ANXA4: variants seen among roughly 807,000 people sequenced by gnomAD.
ANXA4 encodes the protein annexin A4, also known as 35-beta calcimedin.
A neutral mutation model predicts 49.8 loss-of-function variants in ANXA4; 39 were observed. That is an observed-to-expected ratio of 0.78 (90% CI 0.61 to 1.02). The LOEUF is 1.02. Among genes scored for constraint, ANXA4 ranks in the 50% least tolerant of loss-of-function variants. The pLI is 0.00. For missense variants in ANXA4, 360 were observed against 410.1 expected (o/e 0.88, Z 1.05); for synonymous variants, 134 against 152.5 (o/e 0.88, Z 0.89).
intron 1 of ANXA4, among the ~76,000 whole-genome samples, chr2:69,759,527 T>C (rs1202140235): frequency 1.3e-5 from 2 of 152,236 alleles, no homozygotes; most frequent in African/African-American, 4.8e-5. Context: ...GAAAGATTCA[T>C]TATTTTCAAC....
chr2:69,666,098 G>A (rs927980893), intron 2 of ANXA4, among the ~76,000 whole-genome samples: 3 of 152,150 alleles, frequency 2.0e-5, no homozygotes, highest in African/African-American at 7.2e-5. Context: ...CAGCTACTTG[G>A]GAGGCTGAGG....
chr2:69,801,410 T>G (rs2103791691), intron 3 of ANXA4, among the ~76,000 whole-genome samples: 1 of 151,826 alleles, frequency 6.6e-6, no homozygotes, highest in East Asian at 1.9e-4. Context: ...TTTGTTTTTT[T>G]TTTCTTTTTT....
chr2:69,790,078 CTTG>C (rs1672616606), intron 3 of ANXA4, among the ~76,000 whole-genome samples: 1 of 152,138 alleles, frequency 6.6e-6, no homozygotes, highest in Admixed American at 6.5e-5. Context: ...TTTCAGGCTG[CTTG>C]TTGTTAGAAG....
Position 69,779,088 on chromosome 2 carries a change from A to G in ANXA4, c.-46-2432A>G, listed in dbSNP as rs1480534354. Reference sequence around the variant, plus strand: ...GCACCGCTGCACTCTAGCCTGGGCAACAGAGCAACACTCTGCCTCAAAAAA... The same window carrying G: ...GCACCGCTGCACTCTAGCCTGGGCAGCAGAGCAACACTCTGCCTCAAAAAA... On this transcript the variant is annotated intron_variant, in intron 1 of 12. Coordinates refer to ENST00000394295, the MANE Select transcript of ANXA4 (RefSeq NM_001153.5). 2.1e-5 allele frequency among the ~76,000 whole-genome samples: 3 copies of G among 140,672 alleles called. No homozygotes were observed. The East Asian group carries it at 6.4e-4, about 30-fold the overall frequency. The allele number at this position is 140,672 out of a possible 152,430, so 92.3% of individuals were successfully genotyped here. A position where few individuals can be genotyped will look rare whatever the true frequency, so the allele number is the denominator to read the frequency against.
intron 1 of ANXA4, among the ~76,000 whole-genome samples, chr2:69,769,328 T>C (rs963802392): frequency 3.9e-5 from 6 of 152,150 alleles, no homozygotes; most frequent in African/African-American, 1.4e-4. Flanking sequence ...CCCTACCTCT[T>C]AAGACAAGAT....
intron 2 of ANXA4, among the ~76,000 whole-genome samples, chr2:69,677,277 C>T (rs1427951655): frequency 3.9e-5 from 6 of 152,138 alleles, no homozygotes; most frequent in Non-Finnish European, 1.5e-5. Flanking sequence ...GTTGCCCAGA[C>T]TGGAGTGCAA....
In ANXA4 at chr2:69,806,463, C is replaced by G; in HGVS notation, c.271C>G (p.Leu91Val). 6.2e-7 allele frequency: 1 copy of G among 1,614,108 alleles called. No individual in the cohort carries two copies. The highest frequency in any genetic ancestry group is 8.5e-7 in the Non-Finnish European group (1 of 1,179,988). Residue 91 changes from leucine (L) to valine (V), a missense_variant, in exon 5 of 13, where the codon CTG (leucine) becomes GTG (valine). Transcript: ENST00000394295. ...VIVGMMTPTV[L>V]YDVQELRRAM... The stretch of plus-strand genomic sequence containing the variant: ...TGTGGGGATGATGACGCCCACGGTG[C>G]TGTATGACGTGCAAGAGCTGCGAAG...
At chr2:69,666,650 T>A (rs1281396139) in intron 2 of ANXA4, among the ~76,000 whole-genome samples, 1 of 152,230 alleles carries the variant, frequency 6.6e-6, no homozygotes, top group Admixed American at 6.5e-5. Flanking sequence ...AATATTATTC[T>A]ACAATGAAAA....
At chr2:69,773,621 C>CTTTTT (rs67161210) in intron 1 of ANXA4, among the ~76,000 whole-genome samples, 1,205 of 93,130 alleles carry the variant, frequency 0.013, 7 homozygotes, top group East Asian at 0.023. Flanking sequence ...TTCTTTCCTT[C>CTTTTT]TTTTTTTTTT....
At chr2:69,741,823 C>T (rs947636268), upstream of ANXA4, among the ~76,000 whole-genome samples, 9 of 152,224 alleles carry the variant, frequency 5.9e-5, no homozygotes, top group Admixed American at 5.2e-4. Context: ...CTGCTCCCAC[C>T]CTGCGCGGCC....
At chr2:69,693,730 C>CT (rs1257874863) in intron 2 of ANXA4, among the ~76,000 whole-genome samples, 3 of 152,122 alleles carry the variant, frequency 2.0e-5, no homozygotes, top group Admixed American at 2.0e-4. Flanking sequence ...CAGGGGGTTC[C>CT]TGGACATATT....
intron 2 of ANXA4, among the ~76,000 whole-genome samples, chr2:69,704,367 T>C (rs1028750871): frequency 4.6e-5 from 7 of 152,212 alleles, no homozygotes; most frequent in African/African-American, 9.7e-5. Flanking sequence ...CTGTTAGCTT[T>C]TCTGGCAAAA....
At chr2:69,643,918 A>G, upstream of ANXA4, 2 of 1,148,978 alleles carry the variant, frequency 1.7e-6, no homozygotes, top group Non-Finnish European at 2.1e-6. Context: ...GACTGGGGGA[A>G]GAGGGTCTCA....
chr2:69,812,364 G>C (rs559856821), intron 7 of ANXA4, among the ~76,000 whole-genome samples: 1 of 152,276 alleles, frequency 6.6e-6, no homozygotes, highest in Admixed American at 6.5e-5. Flanking sequence ...GGTGGTGGGG[G>C]AGGCCAGGAG....
rs1674437093 is a variant in ANXA4, at chr2:69,825,525, C to A, written c.*10C>A. 1.2e-6 allele frequency: 2 copies of A among 1,601,266 alleles called. No individual in the cohort carries two copies. The highest frequency in any genetic ancestry group is 2.2e-5 in the East Asian group (1 of 44,636). On this transcript the variant is annotated 3_prime_UTR_variant, in exon 13 of 13. Transcript: ENST00000394295. Reference sequence around the variant, plus strand: ...TGGAGGAGATGATTAAAATAAAAATCCCAGAAGGACAGGAGGATTCTCAAC... The same window carrying A: ...TGGAGGAGATGATTAAAATAAAAATACCAGAAGGACAGGAGGATTCTCAAC...
chr2:69,728,318 T>C (rs1298094852), intron 3 of ANXA4, among the ~76,000 whole-genome samples: 1 of 152,230 alleles, frequency 6.6e-6, no homozygotes, highest in African/African-American at 2.4e-5. Context: ...AAATATCTTA[T>C]CCTACTCTAA....
intron 2 of ANXA4, among the ~76,000 whole-genome samples, chr2:69,663,396 A>G (rs900809797): frequency 6.7e-6 from 1 of 149,296 alleles, no homozygotes; most frequent in Non-Finnish European, 1.5e-5. Context: ...GGATCTGACA[A>G]TAAAGATAGA....
intron 3 of ANXA4, among the ~76,000 whole-genome samples, chr2:69,728,576 T>C (rs1670020509): frequency 6.6e-6 from 1 of 152,228 alleles, no homozygotes; most frequent in African/African-American, 2.4e-5. Context: ...CAAAATTCAT[T>C]ATTTTTTCAC....
At chr2:69,749,115 A>G (rs1391993911) in intron 1 of ANXA4, among the ~76,000 whole-genome samples, 3 of 152,204 alleles carry the variant, frequency 2.0e-5, no homozygotes, top group Non-Finnish European at 2.9e-5. Context: ...AGAACATACA[A>G]TGGCCCGGGA....
Sources: allele counts gnomAD v4.1 joint callset (sites outside exome capture counted in the v4.1 genomes callset), GRCh38; gene constraint gnomAD v4.1.1; transcripts MANE v1.5; gene names NCBI Gene and HGNC (gene_info 2026-07-23, HGNC 2026-07-21).